Variants in CA10 observed in about 807,000 individuals in gnomAD.
CA10 encodes carbonic anhydrase 10 (inactive).
A neutral mutation model predicts 44.2 loss-of-function variants in CA10; 14 were observed. The observed-to-expected ratio is 0.32, with a 90% CI of 0.21 to 0.50. The LOEUF is 0.50. Ranked by LOEUF, CA10 falls within the 20% of genes least tolerant of loss-of-function variation. The pLI is 0.99. For missense variants in CA10, 350 were observed against 409.7 expected, an observed-to-expected ratio of 0.85 and a Z score of 1.26; for synonymous variants, 159 against 141.6, an observed-to-expected ratio of 1.12 and a Z score of -0.87.
intron 3 of CA10, among the ~76,000 whole-genome samples, chr17:51,903,429 C>A (rs1384908365): frequency 6.6e-6 from 1 of 152,118 alleles, no homozygotes; most frequent in Non-Finnish European, 1.5e-5. Flanking sequence ...AGATGGTAAT[C>A]TTCCTGTTCT....
At chr17:51,820,412 C>T (rs1475915540) in intron 3 of CA10, among the ~76,000 whole-genome samples, 3 of 94,518 alleles carry the variant, frequency 3.2e-5, no homozygotes, top group Admixed American at 9.8e-5. Flanking sequence ...CCTACCCCCC[C>T]CCCCCCGCCC....
chr17:51,981,802 C>G (rs1984663397), intron 2 of CA10, among the ~76,000 whole-genome samples: 1 of 152,114 alleles, frequency 6.6e-6, no homozygotes, highest in African/African-American at 2.4e-5. Flanking sequence ...ATCAAAATAG[C>G]AGATTTTGAC....
chr17:51,682,417 T>C (rs1914877264), intron 4 of CA10, among the ~76,000 whole-genome samples: 1 of 152,134 alleles, frequency 6.6e-6, no homozygotes, highest in Admixed American at 6.5e-5. Flanking sequence ...AGACTGATTA[T>C]ATGGGGTTTA....
At chr17:51,695,548 A>G (rs1311300862) in intron 4 of CA10, among the ~76,000 whole-genome samples, 2 of 152,216 alleles carry the variant, frequency 1.3e-5, no homozygotes, top group African/African-American at 4.8e-5. Context: ...GAAGTCATTT[A>G]TCAGTGCCAG....
chr17:51,901,041 A>G (rs55735510), intron 3 of CA10, among the ~76,000 whole-genome samples: 14,946 of 152,174 alleles, frequency 0.098, 915 homozygotes, highest in African/African-American at 0.18. Context: ...GTTAAAAACC[A>G]CTGCTGGAGA....
At chr17:51,748,004 A>T (rs1904765003) in intron 3 of CA10, among the ~76,000 whole-genome samples, 186 bp from the exon 4 acceptor site, 1 of 152,190 alleles carries the variant, frequency 6.6e-6, no homozygotes, top group Non-Finnish European at 1.5e-5. Context: ...AATTTCTGTG[A>T]GGCATAAACC....
At chr17:51,911,903 T>C (rs1456128638) in intron 3 of CA10, among the ~76,000 whole-genome samples, 1 of 152,192 alleles carries the variant, frequency 6.6e-6, no homozygotes, top group Non-Finnish European at 1.5e-5. Flanking sequence ...GCACCTACTA[T>C]GTGCCAAATA....
intron 3 of CA10, among the ~76,000 whole-genome samples, chr17:51,909,650 T>A (rs970088292): frequency 3.3e-5 from 5 of 152,246 alleles, no homozygotes; most frequent in Non-Finnish European, 7.4e-5. Flanking sequence ...CTACAGATGT[T>A]CTTTTGATAG....
chr17:51,793,893 T>C (rs1470452525), intron 3 of CA10, among the ~76,000 whole-genome samples: 1 of 152,234 alleles, frequency 6.6e-6, no homozygotes, highest in Non-Finnish European at 1.5e-5. Flanking sequence ...TGCCTGAGCA[T>C]GCTCAGATTC....
intron 2 of CA10, among the ~76,000 whole-genome samples, chr17:51,983,475 A>G (rs145328651): frequency 1.4e-4 from 21 of 151,828 alleles, no homozygotes; most frequent in Non-Finnish European, 2.7e-4. Flanking sequence ...CTGTCTCTTG[A>G]ATGCAATAAT....
At chr17:51,775,588 G>A (rs1010578447) in intron 3 of CA10, among the ~76,000 whole-genome samples, 2 of 152,128 alleles carry the variant, frequency 1.3e-5, no homozygotes, top group Admixed American at 1.3e-4. Context: ...TCAGGGCCCA[G>A]GTTTTAAATA....
chr17:52,147,395 T>C (rs1021929072), intron 1 of CA10, among the ~76,000 whole-genome samples: 3 of 152,036 alleles, frequency 2.0e-5, no homozygotes, highest in Admixed American at 6.5e-5. Flanking sequence ...ACAACTCTCA[T>C]TCATGAAGTT....
At chr17:51,917,772 T>C (rs912336959) in intron 3 of CA10, among the ~76,000 whole-genome samples, 14 of 152,120 alleles carry the variant, frequency 9.2e-5, no homozygotes, top group African/African-American at 3.4e-4. Flanking sequence ...TCCAATTACC[T>C]CCTGCCAGGC....
intron 4 of CA10, among the ~76,000 whole-genome samples, chr17:51,686,331 T>C (rs1203159702): frequency 6.6e-6 from 1 of 152,176 alleles, no homozygotes; most frequent in Non-Finnish European, 1.5e-5. Flanking sequence ...ATTAGCAGCA[T>C]AAGAACAGAC....
At chr17:51,966,974 T>C (rs1033980241) in intron 2 of CA10, among the ~76,000 whole-genome samples, 8 of 151,906 alleles carry the variant, frequency 5.3e-5, no homozygotes, top group African/African-American at 1.9e-4. Context: ...GAAGGTCTAA[T>C]ATCTAGAATC....
At chr17:51,852,736 A>G (rs990535628) in intron 3 of CA10, among the ~76,000 whole-genome samples, 2 of 152,232 alleles carry the variant, frequency 1.3e-5, no homozygotes, top group Non-Finnish European at 2.9e-5. Context: ...ACCACATGGT[A>G]AAATGAGAAT....
At chr17:51,999,399 C>T (rs773328257) in intron 2 of CA10, among the ~76,000 whole-genome samples, 7 of 151,942 alleles carry the variant, frequency 4.6e-5, no homozygotes, top group Non-Finnish European at 8.8e-5. Context: ...GCTGCAGTTC[C>T]GAGTTAGTGT....
intron 3 of CA10, among the ~76,000 whole-genome samples, chr17:51,906,217 A>C (rs574826527): frequency 1.3e-5 from 2 of 152,246 alleles, no homozygotes; most frequent in African/African-American, 4.8e-5. Context: ...ATTTTTAAAT[A>C]GTTTTTTATA....
chr17:51,699,441 C>T (rs1446953472), intron 4 of CA10, among the ~76,000 whole-genome samples: 1 of 152,064 alleles, frequency 6.6e-6, no homozygotes, highest in Non-Finnish European at 1.5e-5. Flanking sequence ...CTAACCTCCT[C>T]CCCTTCTTGC....
Sources: allele counts gnomAD v4.1 joint callset (sites outside exome capture counted in the v4.1 genomes callset), GRCh38; gene constraint gnomAD v4.1.1; transcripts MANE v1.5; gene names NCBI Gene and HGNC (gene_info 2026-07-23, HGNC 2026-07-21).